The following CSMD1 variants were observed in gnomAD, a reference collection of about 807,000 sequenced individuals.
The protein encoded by CSMD1 is CUB and sushi domain-containing protein 1.
In CSMD1, 213 loss-of-function variants were observed where a neutral mutation model predicts 417.5. That is an observed-to-expected ratio of 0.51 (90% confidence interval 0.46 to 0.57). CSMD1 has a LOEUF of 0.57. CSMD1 is among the 20% of genes least tolerant of loss of function. The pLI is 0.00. For synonymous variants in CSMD1, 2,862 were observed against 1,736.8 expected, an observed-to-expected ratio of 1.65 and a Z score of -16.11; for missense variants, 6,923 against 4,529.7, an observed-to-expected ratio of 1.53 and a Z score of -15.17.
intron 50 of CSMD1, among the ~76,000 whole-genome samples, chr8:3,035,944 G>A (rs567698743): frequency 1.3e-5 from 2 of 152,058 alleles, no homozygotes; most frequent in Non-Finnish European, 2.9e-5. Context: ...ACATTTACTG[G>A]AGATCATTTC....
chr8:4,391,545 C>T, intron 3 of CSMD1, among the ~76,000 whole-genome samples: 1 of 152,068 alleles, frequency 6.6e-6, no homozygotes, highest in East Asian at 1.9e-4. Flanking sequence ...TCAACCAGCT[C>T]AGAGTAGGTA....
intron 51 of CSMD1, among the ~76,000 whole-genome samples, chr8:3,024,572 G>A (rs1267032783): frequency 6.6e-6 from 1 of 152,134 alleles, no homozygotes; most frequent in African/African-American, 2.4e-5. Flanking sequence ...CTCCCAAAGT[G>A]TTGTGATTAT....
At chr8:4,028,399 C>T (rs1165869671) in intron 4 of CSMD1, among the ~76,000 whole-genome samples, 1 of 151,990 alleles carries the variant, frequency 6.6e-6, no homozygotes, top group Non-Finnish European at 1.5e-5. Context: ...ACAATACATA[C>T]TAGCTTGTGG....
chr8:3,618,702 C>T (rs1036762819), intron 7 of CSMD1, among the ~76,000 whole-genome samples: 2 of 152,020 alleles, frequency 1.3e-5, no homozygotes, highest in Non-Finnish European at 2.9e-5. Context: ...TACAGGAGCG[C>T]TAAATGACAG....
At chr8:4,431,193 T>C (rs1797851493) in intron 2 of CSMD1, among the ~76,000 whole-genome samples, 1 of 151,966 alleles carries the variant, frequency 6.6e-6, no homozygotes, top group Non-Finnish European at 1.5e-5. Context: ...ACCCCTAGAG[T>C]TTATTCCAGG....
At chr8:4,423,228 A>G (rs747560968) in intron 2 of CSMD1, among the ~76,000 whole-genome samples, 18 of 152,110 alleles carry the variant, frequency 1.2e-4, no homozygotes, top group Non-Finnish European at 2.6e-4. Flanking sequence ...ATACAAGAAA[A>G]GAAAATATAT....
chr8:3,753,840 T>G, intron 6 of CSMD1, 90 bp downstream of exon 6: 1 of 816,232 alleles, frequency 1.2e-6, no homozygotes, highest in East Asian at 2.7e-5. Context: ...TTCAAGCTAT[T>G]TATCCAACTC....
chr8:4,104,395 C>T (rs748587638), intron 3 of CSMD1, among the ~76,000 whole-genome samples: 3 of 151,772 alleles, frequency 2.0e-5, no homozygotes, highest in Non-Finnish European at 2.9e-5. Flanking sequence ...TACACACACA[C>T]GTGTACACAC....
chr8:4,332,519 T>C (rs982070193), intron 3 of CSMD1, among the ~76,000 whole-genome samples: 2 of 150,672 alleles, frequency 1.3e-5, no homozygotes, highest in Non-Finnish European at 3.0e-5. Flanking sequence ...TTGCTTTTTT[T>C]CCCCAGTAAT....
At chr8:4,417,823 C>CTT (rs1317485815) in intron 3 of CSMD1, among the ~76,000 whole-genome samples, 1 of 151,886 alleles carries the variant, frequency 6.6e-6, no homozygotes, top group Non-Finnish European at 1.5e-5. Flanking sequence ...GGTGTATTTG[C>CTT]TTATTTTATG....
At chr8:4,322,231 T>A (rs922336038) in intron 3 of CSMD1, among the ~76,000 whole-genome samples, 2 of 152,212 alleles carry the variant, frequency 1.3e-5, no homozygotes, top group African/African-American at 4.8e-5. Context: ...TCACATGTAA[T>A]TTTATTTGAA....
At chr8:3,943,602 C>G (rs1219083019) in intron 5 of CSMD1, among the ~76,000 whole-genome samples, 2 of 152,022 alleles carry the variant, frequency 1.3e-5, no homozygotes, top group Admixed American at 6.6e-5. Context: ...TTTGAAATAG[C>G]TGGTAAACCC....
chr8:3,273,565 ACT>A (rs1250886543), intron 26 of CSMD1, among the ~76,000 whole-genome samples: 1 of 151,676 alleles, frequency 6.6e-6, no homozygotes, highest in African/African-American at 2.4e-5. Flanking sequence ...CTGGTCCTGC[ACT>A]CTTTTTCGTT....
At chr8:4,402,800 C>CTTTTTTTTTTTTTTTT (rs60965667) in intron 3 of CSMD1, among the ~76,000 whole-genome samples, 3 of 89,370 alleles carry the variant, frequency 3.4e-5, no homozygotes, top group African/African-American at 1.1e-4. Context: ...TCACTTTTTT[C>CTTTTTTTTTTTTTTTT]TTTTTTTTTT....
intron 3 of CSMD1, among the ~76,000 whole-genome samples, chr8:4,060,619 C>A (rs1422668944): frequency 6.6e-6 from 1 of 152,110 alleles, no homozygotes. Context: ...GCCACCTTAG[C>A]GATGGGGCTA....
chr8:4,212,758 T>A (rs1308337222), intron 3 of CSMD1, among the ~76,000 whole-genome samples: 3 of 114,148 alleles, frequency 2.6e-5, no homozygotes, highest in African/African-American at 1.0e-4. Flanking sequence ...ATTCTTTTTT[T>A]TTTTTTTTTT....
chr8:4,788,655 G>A, intron 1 of CSMD1: 1 of 656,354 alleles, frequency 1.5e-6, no homozygotes, highest in Non-Finnish European at 2.6e-6. Flanking sequence ...GGAAAATCAA[G>A]CAATATGAAA....
At chr8:3,716,735 A>C (rs1308903652) in intron 6 of CSMD1, among the ~76,000 whole-genome samples, 1 of 152,160 alleles carries the variant, frequency 6.6e-6, no homozygotes, top group Non-Finnish European at 1.5e-5. Flanking sequence ...CCCCTATTCA[A>C]GATGGAGTTG....
intron 3 of CSMD1, among the ~76,000 whole-genome samples, chr8:4,343,594 C>G (rs1013616614): frequency 6.6e-6 from 1 of 152,060 alleles, no homozygotes; most frequent in African/African-American, 2.4e-5. Flanking sequence ...ATATTTTTAT[C>G]TAATAGAAAC....
Sources: allele counts gnomAD v4.1 joint callset (sites outside exome capture counted in the v4.1 genomes callset), GRCh38; gene constraint gnomAD v4.1.1; transcripts MANE v1.5; gene names NCBI Gene and HGNC (gene_info 2026-07-23, HGNC 2026-07-21).